POT1: variants seen among roughly 807,000 people sequenced by gnomAD.
The protein encoded by POT1 is protection of telomeres 1.
In POT1, 47 loss-of-function variants were observed where a neutral mutation model predicts 78.5. That is an observed-to-expected ratio of 0.60 (90% CI 0.47 to 0.76). The LOEUF is 0.76. Among genes scored for constraint, POT1 ranks in the 30% least tolerant of loss-of-function variants. The pLI is 0.00. For synonymous variants in POT1, 259 were observed against 260.7 expected, an observed-to-expected ratio of 0.99 and a Z score of 0.06; for missense variants, 646 against 749.9, an observed-to-expected ratio of 0.86 and a Z score of 1.62.
Position 124,833,293 on chromosome 7 carries a change from C to T in POT1, c.1505+1986G>A, listed in dbSNP as rs527415819. On this transcript the variant is annotated intron_variant, in intron 15 of 18. Coordinates refer to ENST00000357628, the MANE Select transcript of POT1 (RefSeq NM_015450.3). Reference sequence around the variant, plus strand: ...AGGGCAATGCCTAACAGTGACTTTACCACACAATTAGGGAGGTATCATGCT... The same window carrying T: ...AGGGCAATGCCTAACAGTGACTTTATCACACAATTAGGGAGGTATCATGCT... Among the ~76,000 whole-genome samples, 32 of 152,164 alleles carry T rather than the reference C, an allele frequency of 2.1e-4. No homozygotes were observed. In the South Asian group the frequency reaches 4.0e-3, roughly 19 times the overall value.
intron 6 of POT1, among the ~76,000 whole-genome samples, chr7:124,872,669 T>C (rs563418340): frequency 3.9e-5 from 6 of 152,308 alleles, no homozygotes; most frequent in African/African-American, 1.4e-4. Flanking sequence ...TTCAGTACCA[T>C]CCACGGTTTT....
rs964450913 is a variant in POT1, at chr7:124,836,922, A to C, written c.1370-1508T>G. ...ATGCCTAAATCAGTGTCTGGCACAT[A>C]GTAGGCATTCAATAAACATGTGCTA... On this transcript the variant is annotated intron_variant, in intron 14 of 18. Coordinates refer to ENST00000357628, the MANE Select transcript of POT1 (RefSeq NM_015450.3). Among the ~76,000 whole-genome samples the C allele has an allele frequency of 3.3e-5, 5 of 152,196 alleles. No individual in the cohort carries two copies. In the East Asian group the frequency reaches 9.6e-4, roughly 29 times the overall value.
intron 15 of POT1, among the ~76,000 whole-genome samples, chr7:124,831,356 A>G (rs920858829): frequency 1.3e-5 from 2 of 152,192 alleles, no homozygotes; most frequent in Non-Finnish European, 2.9e-5. Flanking sequence ...ACTTTCAAAC[A>G]TTTTTGTTAA....
chr7:124,920,937 A>AC (rs1488591509), intron 2 of POT1, among the ~76,000 whole-genome samples: 1 of 152,022 alleles, frequency 6.6e-6, no homozygotes, highest in Admixed American at 6.6e-5. Context: ...ATAAAAAAAA[A>AC]ATTTTTTTAA....
intron 6 of POT1, among the ~76,000 whole-genome samples, chr7:124,888,996 T>C (rs1368728266): frequency 1.3e-5 from 2 of 151,770 alleles, no homozygotes; most frequent in African/African-American, 4.8e-5. Flanking sequence ...AGTGAGAGAG[T>C]CACATGTCTC....
At chr7:124,890,353 T>C (rs1008231979) in intron 6 of POT1, among the ~76,000 whole-genome samples, 2 of 151,896 alleles carry the variant, frequency 1.3e-5, no homozygotes, top group African/African-American at 4.8e-5. Context: ...TAAGAAGTAA[T>C]CTACTCCTGG....
intron 15 of POT1, among the ~76,000 whole-genome samples, chr7:124,830,759 T>C (rs1262476838): frequency 2.0e-5 from 3 of 151,786 alleles, no homozygotes; most frequent in African/African-American, 7.3e-5. Flanking sequence ...TGCCAGAAAC[T>C]TGAAAGCAAA....
intron 3 of POT1, among the ~76,000 whole-genome samples, chr7:124,914,785 A>T (rs918882356): frequency 1.5e-4 from 23 of 152,280 alleles, no homozygotes; most frequent in Non-Finnish European, 8.8e-5. Flanking sequence ...ATATTTTGCC[A>T]TTTTATATAA....
intron 15 of POT1, among the ~76,000 whole-genome samples, chr7:124,831,157 C>T (rs1240150358): frequency 6.6e-6 from 1 of 152,102 alleles, no homozygotes; most frequent in Non-Finnish European, 1.5e-5. Flanking sequence ...TGCCAAGTAT[C>T]AGACAGAAAT....
intron 5 of POT1, among the ~76,000 whole-genome samples, chr7:124,896,842 T>C (rs1796503403): frequency 6.6e-6 from 1 of 151,618 alleles, no homozygotes; most frequent in Non-Finnish European, 1.5e-5. Flanking sequence ...AGAAATGAAT[T>C]TGCCTATGGT....
intron 6 of POT1, among the ~76,000 whole-genome samples, chr7:124,887,060 T>C (rs1175514099): frequency 1.3e-5 from 2 of 152,108 alleles, no homozygotes; most frequent in Non-Finnish European, 2.9e-5. Context: ...AAGAGGATCA[T>C]AGTGATTACA....
Position 124,923,412 on chromosome 7 carries a change from A to G in POT1, c.-227+5403T>C, listed in dbSNP as rs542245438. On this transcript the variant is annotated intron_variant, in intron 2 of 18. Transcript: ENST00000357628. ...AAAAGATTCAATAACAGATTAGATCAAGCAAAAGAAAGAATCTCAGAACCT... is the reference window on the plus strand; with the variant it reads ...AAAAGATTCAATAACAGATTAGATCGAGCAAAAGAAAGAATCTCAGAACCT... 7.2e-5 allele frequency among the ~76,000 whole-genome samples: 11 copies of G among 152,030 alleles called. No homozygotes were observed. In the South Asian group the frequency reaches 1.9e-3, roughly 26 times the overall value.
intron 3 of POT1, among the ~76,000 whole-genome samples, chr7:124,900,464 A>C (rs1025862005): frequency 6.6e-6 from 1 of 152,132 alleles, no homozygotes; most frequent in Non-Finnish European, 1.5e-5. Flanking sequence ...TGTTATTTAC[A>C]AACTTTTCTT....
chr7:124,919,326 A>G (rs1378067897), intron 2 of POT1, among the ~76,000 whole-genome samples: 1 of 152,156 alleles, frequency 6.6e-6, no homozygotes, highest in African/African-American at 2.4e-5. Flanking sequence ...AACTGTAATA[A>G]GAGTCTGCCT....
At chr7:124,843,508 G>A (rs1795082456) in intron 12 of POT1, among the ~76,000 whole-genome samples, 1 of 152,098 alleles carries the variant, frequency 6.6e-6, no homozygotes, top group African/African-American at 2.4e-5. Context: ...GAGTTGGAAG[G>A]AGGGAGTGGA....
intron 2 of POT1, among the ~76,000 whole-genome samples, chr7:124,920,144 T>C (rs1308713970): frequency 1.3e-5 from 2 of 152,148 alleles, no homozygotes. Flanking sequence ...TCTGTACATA[T>C]ATATTTACAG....
intron 7 of POT1, 89 bp from the exon 8 acceptor site, chr7:124,863,729 TC>T: frequency 1.9e-6 from 2 of 1,074,796 alleles, no homozygotes; most frequent in Non-Finnish European, 2.7e-6. Flanking sequence ...GGAAAGATTA[TC>T]AATTTTGCCA....
intron 2 of POT1, among the ~76,000 whole-genome samples, chr7:124,918,160 G>C (rs1238382316): frequency 1.3e-5 from 2 of 152,150 alleles, no homozygotes; most frequent in Non-Finnish European, 1.5e-5. Context: ...TCCATAACTA[G>C]GACAAATGGA....
At position 124,842,816 on chromosome 7, in the gene POT1, CATTT is replaced by C; in HGVS notation, c.1150_1153del (p.Lys384ValfsTer15). The C allele has an allele frequency of 6.3e-7, 1 of 1,598,420 alleles. No individual in the cohort carries two copies. The highest frequency in any genetic ancestry group is 8.5e-7 in the Non-Finnish European group (1 of 1,176,080). ...TATGGAAAATACTCACAGCAAATGA[CATTT>C]AGGGCAATGAAGTTTAACAGACTGA... On this transcript the variant is annotated frameshift_variant, in exon 13 of 19. Transcript: ENST00000357628. LOFTEE classifies it high-confidence loss of function.
Sources: gnomAD v4.1 joint callset for allele counts (sites outside exome capture counted in the v4.1 genomes callset) on GRCh38, gnomAD v4.1.1 for gene constraint, MANE v1.5 for transcripts, NCBI Gene and HGNC (gene_info 2026-07-23, HGNC 2026-07-21) for gene names.